KRT7: variants seen among roughly 807,000 people sequenced by gnomAD.
KRT7 encodes keratin, type II cytoskeletal 7.
A neutral mutation model predicts 42.8 loss-of-function variants in KRT7; 50 were observed. The observed-to-expected ratio is 1.17, with a 90% CI of 0.93 to 1.48. KRT7 has a LOEUF of 1.48. Among genes scored for constraint, KRT7 ranks in the 40% most tolerant of loss-of-function variants. KRT7 has a pLI of 0.00. For synonymous variants in KRT7, 268 were observed against 266.3 expected, an observed-to-expected ratio of 1.01 and a Z score of -0.06; for missense variants, 588 against 637.6, an observed-to-expected ratio of 0.92 and a Z score of 0.84.
At chr12:52,240,672 A>G (rs927466746) in intron 4 of KRT7, among the ~76,000 whole-genome samples, 7 of 152,184 alleles carry the variant, frequency 4.6e-5, no homozygotes, top group African/African-American at 1.4e-4. Context: ...CTTATACCCA[A>G]TGCTACCATC....
chr12:52,248,819 C>A lies in KRT7; in HGVS notation c.*59C>A, dbSNP rs181839652. The stretch of plus-strand genomic sequence containing the variant: ...ACCCACAATCACAAGAAGATTCCCA[C>A]CCCTGCCTCCCATGCCTGGTCCCAA... On this transcript the variant is annotated 3_prime_UTR_variant, in exon 9 of 9. Transcript: ENST00000331817. 1.4e-5 allele frequency: 20 copies of A among 1,441,980 alleles called. No individual in the cohort carries two copies. The Admixed American group carries it at 3.4e-4, about 25-fold the overall frequency. 89.3% of individuals were successfully genotyped at this position (1,441,980 alleles called of 1,614,324 possible).
Position 52,248,905 on chromosome 12 carries a change from G to A in KRT7, c.*145G>A. ...GCTTCCAATAAAGCAGCCTCATTCT[G>A]AGGCCTGAGTGATCCACGTGCCTGG... On this transcript the variant is annotated 3_prime_UTR_variant, in exon 9 of 9. Coordinates refer to ENST00000331817, the MANE Select transcript of KRT7 (RefSeq NM_005556.4). The A allele has an allele frequency of 1.3e-6, 1 of 754,726 alleles. No homozygotes were observed. Among genetic ancestry groups the A allele is most frequent in the Admixed American group, 3.6e-5 (1 of 27,656 alleles). 46.8% of individuals were successfully genotyped at this position (754,726 alleles called of 1,614,324 possible).
intron 6 of KRT7, chr12:52,244,254 T>G: frequency 1.0e-4 from 91 of 913,694 alleles, no homozygotes; most frequent in Middle Eastern, 5.5e-4. Context: ...GGCAGGGCCG[T>G]GAGTCACCCC....
At chr12:52,240,639 GA>G (rs952909113) in intron 4 of KRT7, among the ~76,000 whole-genome samples, 5 of 144,184 alleles carry the variant, frequency 3.5e-5, no homozygotes, top group South Asian at 4.4e-4. Flanking sequence ...CAAAAAAAAA[GA>G]AAAAAAAAAG....
intron 7 of KRT7, 141 bp from the exon 8 acceptor site, chr12:52,248,036 A>G: frequency 1.3e-6 from 1 of 798,206 alleles, no homozygotes; most frequent in Non-Finnish European, 2.1e-6. Flanking sequence ...CTCCTTTTAC[A>G]AGGCTGAAGG....
chr12:52,234,863 G>A (rs1941987186), intron 1 of KRT7, among the ~76,000 whole-genome samples: 1 of 152,242 alleles, frequency 6.6e-6, no homozygotes, highest in South Asian at 2.1e-4. Context: ...AGATAGGGAG[G>A]TGGAGAACAC....
intron 7 of KRT7, 189 bp downstream of exon 7, chr12:52,245,821 C>T: frequency 1.4e-6 from 1 of 718,872 alleles, no homozygotes; most frequent in Non-Finnish European, 2.2e-6. Context: ...GAAGGAAAGA[C>T]CATGGAGTGT....
chr12:52,246,733 T>G (rs1174775225), intron 7 of KRT7, among the ~76,000 whole-genome samples: 1 of 152,160 alleles, frequency 6.6e-6, no homozygotes, highest in Non-Finnish European at 1.5e-5. Flanking sequence ...GAAGCTGATC[T>G]GGGCACAGGG....
downstream of KRT7, chr12:52,252,413 G>A: frequency 6.2e-7 from 1 of 1,614,138 alleles, no homozygotes; most frequent in Non-Finnish European, 8.5e-7. Flanking sequence ...CCAGCTTGCA[G>A]CGGGCATCAC....
rs1178666120 is a variant in KRT7, at chr12:52,237,505, G to T, written c.537-4G>T. On this transcript the variant is annotated splice_polypyrimidine_tract_variant and splice_region_variant and intron_variant, in intron 2 of 8. Coordinates refer to ENST00000331817, the MANE Select transcript of KRT7 (RefSeq NM_005556.4). ...CATCAACACCAGGCCCTCCTCTACT[G>T]TAGGTACGAAGATGAAATTAACCAC... is the stretch of plus-strand genomic sequence containing the variant. 1 of 1,609,380 alleles carries T rather than the reference G, an allele frequency of 6.2e-7. No homozygotes were observed. Among genetic ancestry groups the T allele is most frequent in the African/African-American group, 1.3e-5 (1 of 74,892 alleles).
At chr12:52,243,240 C>A in intron 6 of KRT7, 103 bp downstream of exon 6, 1 of 1,364,986 alleles carries the variant, frequency 7.3e-7, no homozygotes, top group Non-Finnish European at 9.9e-7. Flanking sequence ...ATCTCCCGGC[C>A]AAAGCTGGTG....
At chr12:52,237,420 C>A in intron 2 of KRT7, 89 bp from the exon 3 acceptor site, 1 of 908,604 alleles carries the variant, frequency 1.1e-6, no homozygotes. Flanking sequence ...GGAAGGGAGG[C>A]AGGGCAGATT....
At chr12:52,235,082 T>C in intron 1 of KRT7, 73 bp from the exon 2 acceptor site, 7 of 1,425,232 alleles carry the variant, frequency 4.9e-6, no homozygotes, top group Non-Finnish European at 6.9e-6. Flanking sequence ...TGGCTAAAGA[T>C]GATGTTCCTC....
downstream of KRT7, chr12:52,251,970 T>C (rs1894035): frequency 0.29 from 172,321 of 599,200 alleles, 26,867 homozygotes; most frequent in Non-Finnish European, 0.33. Flanking sequence ...TAAGAAAAAG[T>C]TTGCCTGCCC....
In KRT7 at chr12:52,245,543, G is replaced by T. The variant is rs2121100690; in HGVS notation, c.1116G>T (p.Leu372=). ...GCAAGCAGGATATGGCACGGCAGCT[G>T]CGTGAGTACCAGGAACTCATGAGCG... ...QRGKQDMARQ[L]REYQELMSVK... is the part of the protein sequence containing the mutation. The change falls in exon 7 of 9, where the codon CTG becomes CTT. Residue 372 remains leucine (L), a synonymous_variant. Transcript: ENST00000331817. The T allele has an allele frequency of 6.2e-7, 1 of 1,614,174 alleles. No homozygotes were observed. The highest frequency in any genetic ancestry group is 1.3e-5 in the African/African-American group (1 of 75,070).
intron 7 of KRT7, 126 bp downstream of exon 7, chr12:52,245,758 A>C: frequency 8.2e-7 from 1 of 1,219,256 alleles, no homozygotes; most frequent in Non-Finnish European, 1.1e-6. Flanking sequence ...GTGGGGATGC[A>C]GGGAACACAG....
intron 3 of KRT7, 157 bp downstream of exon 3, chr12:52,237,726 A>ATGTGTG (rs10546862): frequency 0.17 from 57,755 of 344,218 alleles, 3,358 homozygotes; most frequent in South Asian, 0.17. Context: ...GGGTGCGTGT[A>ATGTGTG]TGTGTGTGTG....
At chr12:52,253,253 A>T (rs1215741979), downstream of KRT7, 2 of 1,610,838 alleles carry the variant, frequency 1.2e-6, no homozygotes, top group African/African-American at 2.7e-5. Context: ...CAGCCTCTGG[A>T]TCATGCGGTT....
In KRT7 at chr12:52,241,514, G is replaced by A. The variant is rs371590445; in HGVS notation, c.736G>A (p.Val246Met). The A allele has an allele frequency of 8.1e-6, 13 of 1,613,796 alleles. No homozygotes were observed. Among genetic ancestry groups the A allele is most frequent in the African/African-American group, 2.7e-5 (2 of 74,930 alleles). The change falls in exon 5 of 9, where the codon GTG (valine) becomes ATG (methionine). Residue 246 changes from valine (V) to methionine (M), a missense_variant. Coordinates refer to ENST00000331817, the MANE Select transcript of KRT7 (RefSeq NM_005556.4). ...GTCCCAGATCTCCGACACATCTGTG[G>A]TGCTGTCCATGGACAACAGTCGCTC... is the stretch of plus-strand genomic sequence containing the variant. ...LQSQISDTSV[V>M]LSMDNSRSLD...
Sources: allele counts gnomAD v4.1 joint callset (sites outside exome capture counted in the v4.1 genomes callset), GRCh38; gene constraint gnomAD v4.1.1; transcripts MANE v1.5; gene names NCBI Gene and HGNC (gene_info 2026-07-23, HGNC 2026-07-21).